The following ST7 variants were observed in gnomAD, a reference collection of about 807,000 sequenced individuals.
ST7 encodes the protein suppressor of tumorigenicity 7 protein.
Under a neutral mutation model 78.7 loss-of-function variants are expected in ST7, and 28 were observed. The ratio of observed to expected loss-of-function variants is 0.36; its 90% CI spans 0.26 to 0.49. The LOEUF (loss-of-function observed/expected upper bound fraction) is 0.49, where lower values mean the gene tolerates loss of function less well. Among genes scored for constraint, ST7 ranks in the 20% least tolerant of loss-of-function variants. The probability of loss-of-function intolerance (pLI) is 0.99; values close to 1 mark genes in which losing one functional copy is unlikely to be tolerated. For synonymous variants in ST7, 247 were observed against 249.6 expected, an observed-to-expected ratio of 0.99 and a Z score of 0.10; for missense variants, 418 against 696.0, an observed-to-expected ratio of 0.60 and a Z score of 4.49.
chr7:117,171,035 AT>A, intron 10 of ST7, 59 bp downstream of exon 10: 1 of 1,148,868 alleles, frequency 8.7e-7, no homozygotes, highest in Non-Finnish European at 1.2e-6. Context: ...ATTTTCCCTG[AT>A]TAGATTAGAA....
intron 1 of ST7, among the ~76,000 whole-genome samples, chr7:116,997,669 A>G (rs1481294049): frequency 6.6e-6 from 1 of 151,962 alleles, no homozygotes; most frequent in Non-Finnish European, 1.5e-5. Flanking sequence ...GCATTTACAA[A>G]CCTTGAGCTA....
At position 117,131,933 on chromosome 7, in the gene ST7, C is replaced by T; in HGVS notation, c.614C>T (p.Ala205Val). Reference sequence around the variant, plus strand: ...AGAAACCCCCAAGCTAGGATTTCTGCAGCTCATGAAGCCTTGGAGATAAAT... The same window carrying T: ...AGAAACCCCCAAGCTAGGATTTCTGTAGCTCATGAAGCCTTGGAGATAAAT... Reference protein sequence around the residue: ...RERNPQARISAAHEALEINEI... With the variant: ...RERNPQARISVAHEALEINEI... Residue 205 changes from alanine to valine, a missense_variant, in exon 6 of 16, where the codon GCA becomes GTA. Physicochemically the swap from Ala to Val is moderately conservative, Grantham distance 64 (BLOSUM62 0). Transcript: ENST00000323984. The T allele has an allele frequency of 6.2e-7, 1 of 1,611,382 alleles. No individual in the cohort carries two copies. Among genetic ancestry groups the T allele is most frequent in the Non-Finnish European group, 8.5e-7 (1 of 1,178,174 alleles).
chr7:117,154,423 AAG>A (rs1806528553), intron 9 of ST7, among the ~76,000 whole-genome samples: 1 of 152,202 alleles, frequency 6.6e-6, no homozygotes, highest in Non-Finnish European at 1.5e-5. Flanking sequence ...GACTAAGACA[AAG>A]AGGATTCCCT....
intron 1 of ST7, among the ~76,000 whole-genome samples, chr7:116,996,458 A>G (rs1794660174): frequency 1.3e-5 from 2 of 152,182 alleles, no homozygotes; most frequent in Admixed American, 1.3e-4. Flanking sequence ...TAGGAAATTG[A>G]GCTAATACCT....
intron 9 of ST7, among the ~76,000 whole-genome samples, chr7:117,146,895 G>A (rs1416325189): frequency 6.6e-6 from 1 of 152,134 alleles, no homozygotes; most frequent in Non-Finnish European, 1.5e-5. Context: ...TGATCTTTTT[G>A]TGGACTATGA....
At chr7:117,149,461 A>G (rs560129403) in intron 9 of ST7, among the ~76,000 whole-genome samples, 198 of 152,084 alleles carry the variant, frequency 1.3e-3, no homozygotes, top group Admixed American at 2.7e-3. Context: ...TCAAGTTTTC[A>G]TTGGAGAGAT....
At chr7:117,112,032 G>A (rs1175249623) in intron 2 of ST7, among the ~76,000 whole-genome samples, 1 of 151,702 alleles carries the variant, frequency 6.6e-6, no homozygotes, top group Non-Finnish European at 1.5e-5. Flanking sequence ...ATTTTAATAG[G>A]ATACAGGATA....
At chr7:117,061,254 G>A (rs1214865728) in intron 1 of ST7, among the ~76,000 whole-genome samples, 1 of 152,136 alleles carries the variant, frequency 6.6e-6, no homozygotes, top group Non-Finnish European at 1.5e-5. Context: ...TTGGCCATTT[G>A]GCTTTTTTTC....
At chr7:117,201,963 T>TGAGAGATCTCGGGTGCTCC (rs1445267073) in intron 12 of ST7, among the ~76,000 whole-genome samples, 6 of 76,014 alleles carry the variant, frequency 7.9e-5, no homozygotes, top group South Asian at 1.3e-3. Context: ...GAAGCTATCT[T>TGAGAGATCTCGGGTGCTCC]TTTTTTTTTT....
At chr7:116,971,091 G>A (rs1389735411) in intron 1 of ST7, among the ~76,000 whole-genome samples, 5 of 152,290 alleles carry the variant, frequency 3.3e-5, no homozygotes, top group Middle Eastern at 3.4e-3. Context: ...TGGGGACTCG[G>A]TAGGGAAAGA....
intron 1 of ST7, among the ~76,000 whole-genome samples, chr7:116,956,204 C>T (rs1364559568): frequency 6.6e-6 from 1 of 152,176 alleles, no homozygotes; most frequent in Non-Finnish European, 1.5e-5. Context: ...GGAAAACTGC[C>T]AAAAGGTTGT....
At chr7:117,076,715 G>T (rs186075286) in intron 1 of ST7, 1 of 152,544 alleles carries the variant, frequency 6.6e-6, no homozygotes, top group Admixed American at 6.5e-5. Flanking sequence ...CTCTGTGCAG[G>T]CCTTGTGGCA....
chr7:117,124,912 C>T (rs907905424), intron 3 of ST7, among the ~76,000 whole-genome samples: 1 of 152,104 alleles, frequency 6.6e-6, no homozygotes, highest in African/African-American at 2.4e-5. Flanking sequence ...GCTTTGTGGT[C>T]AGCCGGGCTT....
At chr7:117,120,535 T>C (rs923561142) in intron 3 of ST7, among the ~76,000 whole-genome samples, 4 of 152,222 alleles carry the variant, frequency 2.6e-5, no homozygotes, top group African/African-American at 9.7e-5. Context: ...TCCTGTTTTC[T>C]AGTCACATGA....
At chr7:117,099,266 G>A (rs2116792467) in intron 1 of ST7, among the ~76,000 whole-genome samples, 2 of 151,940 alleles carry the variant, frequency 1.3e-5, no homozygotes, top group South Asian at 4.2e-4. Context: ...TTGTCAATTT[G>A]TCCTTCCTTC....
intron 1 of ST7, chr7:116,972,884 C>A: frequency 7.6e-7 from 1 of 1,314,268 alleles, no homozygotes. Context: ...TTGCCCTTAA[C>A]CGCCTCGATG....
intron 2 of ST7, among the ~76,000 whole-genome samples, chr7:117,101,946 A>G (rs1213973714): frequency 6.6e-6 from 1 of 152,212 alleles, no homozygotes; most frequent in East Asian, 1.9e-4. Flanking sequence ...AATAAGGTAT[A>G]TGCGATAATT....
At chr7:116,965,541 A>G (rs1337619905) in intron 1 of ST7, among the ~76,000 whole-genome samples, 1 of 152,184 alleles carries the variant, frequency 6.6e-6, no homozygotes, top group East Asian at 1.9e-4. Context: ...ACAAACCTGC[A>G]CGTTCTGCAC....
rs115744664 is a variant in ST7 at position 117,105,175 on chromosome 7, G to A, written c.234+5331G>A. ...AATGTTCTGTTATTTGCAGCAACAT[G>A]GATGGAACTGGAGGTCATTATGTTG... On this transcript the variant is annotated intron_variant, in intron 2 of 15. Transcript: ENST00000323984. 5.3e-3 allele frequency among the ~76,000 whole-genome samples: 801 copies of A among 152,294 alleles called. 6 individuals carry two copies. The highest frequency in any genetic ancestry group is 0.017 in the African/African-American group (712 of 41,566).
Sources: gnomAD v4.1 joint callset for allele counts (sites outside exome capture counted in the v4.1 genomes callset) on GRCh38, gnomAD v4.1.1 for gene constraint, MANE v1.5 for transcripts, NCBI Gene and HGNC (gene_info 2026-07-23, HGNC 2026-07-21) for gene names.